GOLGA6L22: variants seen among roughly 807,000 people sequenced by gnomAD.
The protein encoded by GOLGA6L22 is golgin A6 family like 22.
In GOLGA6L22, 28 loss-of-function variants were observed where a neutral mutation model predicts 77.1. The observed-to-expected ratio is 0.36, with a 90% CI of 0.27 to 0.50. GOLGA6L22 has a LOEUF of 0.50. GOLGA6L22 is among the 20% of genes least tolerant of loss of function. The probability of loss-of-function intolerance (pLI) is 0.97; values close to 1 mark genes in which losing one functional copy is unlikely to be tolerated. For synonymous variants in GOLGA6L22, 62 were observed against 185.3 expected (o/e 0.33, Z 5.41); for missense variants, 250 against 620.4 (o/e 0.40, Z 6.34).
exon 8 of GOLGA6L22, chr15:22,465,988 G>C: frequency 1.1e-6 from 1 of 921,374 alleles, no homozygotes; most frequent in Non-Finnish European, 1.6e-6. Context: ...GGGAGCAGGA[G>C]GAGAAGGTGT....
chr15:22,463,746 G>A (rs1282632401), intron 5 of GOLGA6L22, 95 bp from the exon 6 acceptor site: 2 of 526,626 alleles, frequency 3.8e-6, no homozygotes, highest in Non-Finnish European at 6.6e-6. Flanking sequence ...GAGTGAGGAA[G>A]TGTTACTGTG....
intron 7 of GOLGA6L22, among the ~76,000 whole-genome samples, chr15:22,464,702 G>A (rs1887622688): frequency 7.8e-6 from 1 of 128,862 alleles, no homozygotes; most frequent in Non-Finnish European, 1.6e-5. Context: ...AGGCCAGAGT[G>A]CAGTGGCGCA....
chr15:22,462,353 T>G lies in GOLGA6L22; in HGVS notation c.326-9T>G. The G allele has an allele frequency of 8.5e-7, 1 of 1,173,324 alleles. No homozygotes were observed. Among genetic ancestry groups the G allele is most frequent in the Middle Eastern group, 3.3e-4 (1 of 2,992 alleles). 72.7% of individuals were successfully genotyped at this position (1,173,324 alleles called of 1,614,324 possible). On this transcript the variant is annotated splice_polypyrimidine_tract_variant and intron_variant, in intron 4 of 8. Transcript: ENST00000622895. ...CCTTTGGGCCACATCTGAATGTCTC[T>G]CATTCCAGGAGAGGCCAGGGATCTG...
exon 8 of GOLGA6L22, chr15:22,466,184 A>C: frequency 1.5e-6 from 1 of 683,598 alleles, no homozygotes; most frequent in Non-Finnish European, 2.4e-6. Context: ...GGAAGAGAAG[A>C]TGGGGGAGCA....
At chr15:22,466,374 G>C (rs201436574) in exon 8 of GOLGA6L22, 2 of 1,403,550 alleles carry the variant, frequency 1.4e-6, no homozygotes, top group Admixed American at 2.2e-5. Flanking sequence ...GAGAAGATGG[G>C]GGAGCAGGAG....
exon 8 of GOLGA6L22, chr15:22,465,133 ACAGGAGGAGAAGATGTGGAGG>A (rs1887639757): frequency 1.5e-6 from 1 of 646,722 alleles, no homozygotes; most frequent in African/African-American, 2.2e-5. Flanking sequence ...TGAACCAGCA[ACAGGAGGAGAAGATGTGGAGG>A]CAGGAGGAGA....
At chr15:22,466,561 G>T (rs1468896325) in exon 8 of GOLGA6L22, 1 of 1,331,508 alleles carries the variant, frequency 7.5e-7, no homozygotes, top group Non-Finnish European at 1.0e-6. Context: ...AAGAGAAGAT[G>T]CAAGAACAGG....
At chr15:22,466,026 A>T (rs1250504087) in exon 8 of GOLGA6L22, 1 of 822,800 alleles carries the variant, frequency 1.2e-6, no homozygotes, top group East Asian at 2.9e-5. Flanking sequence ...ATACGGGAGC[A>T]GGAGGAAAAG....
exon 9 of GOLGA6L22, chr15:22,468,779 C>A (rs1282612097): frequency 5.1e-4 from 20 of 38,986 alleles, no homozygotes; most frequent in African/African-American, 3.6e-3. Context: ...CTCAGGTGAT[C>A]TACCTGCCTC....
In GOLGA6L22 at chr15:22,466,374, G is replaced by A. The variant is rs201436574; in HGVS notation, c.1982G>A (p.Gly661Glu). 9,013 of 1,403,366 alleles carry A rather than the reference G, an allele frequency of 6.4e-3. 1,141 individuals are homozygous for A. In the East Asian group the frequency reaches 0.075, roughly 12 times the overall value. 86.9% of individuals were successfully genotyped at this position (1,403,366 alleles called of 1,614,324 possible). Residue 661 changes from glycine (G) to glutamate (E), a missense_variant, in exon 8 of 9, where the codon GGG becomes GAG. Transcript: ENST00000622895. ...ATGCAGGAACAGGAAGAGAAGATGGGGGAGCAGGAGGAGAAGATTTGGGAG... is the reference window on the plus strand; with the variant it reads ...ATGCAGGAACAGGAAGAGAAGATGGAGGAGCAGGAGGAGAAGATTTGGGAG...
intron 8 of GOLGA6L22, 89 bp downstream of exon 8, chr15:22,466,914 C>T: frequency 2.4e-6 from 1 of 415,528 alleles, no homozygotes; most frequent in Non-Finnish European, 4.0e-6. Flanking sequence ...GTGTGCAAAC[C>T]CTGGAGATCA....
intron 2 of GOLGA6L22, 151 bp from the exon 3 acceptor site, chr15:22,461,883 C>T: frequency 1.3e-6 from 1 of 758,152 alleles, no homozygotes; most frequent in East Asian, 2.6e-5. Context: ...AAGGCTCACC[C>T]CCAAGATTCC....
exon 8 of GOLGA6L22, chr15:22,465,344 C>T (rs1263075876): frequency 1.4e-5 from 6 of 441,582 alleles, no homozygotes; most frequent in Non-Finnish European, 2.3e-5. Context: ...GATACGGGAG[C>T]TGGAAGAGAA....
At position 22,464,799 on chromosome 15, in the gene GOLGA6L22, C is replaced by T. The variant is rs890133229; in HGVS notation, c.634-227C>T. ...AGTAGCTGGGACTACAGGTGCCCACCACCACACCCAGCTAATTTTTTGTAT... is the reference window on the plus strand; with the variant it reads ...AGTAGCTGGGACTACAGGTGCCCACTACCACACCCAGCTAATTTTTTGTAT... On this transcript the variant is annotated intron_variant, in intron 7 of 8. Coordinates refer to ENST00000622895, the Ensembl canonical transcript of GOLGA6L22. 2.4e-5 allele frequency among the ~76,000 whole-genome samples: 3 copies of T among 125,690 alleles called. 1 individual carries two copies. The highest frequency in any genetic ancestry group is 1.1e-4 in the African/African-American group (3 of 28,538). 82.5% of individuals were successfully genotyped at this position (125,690 alleles called of 152,430 possible). A position where few individuals can be genotyped will look rare whatever the true frequency, so the allele number is the denominator to read the frequency against.
At position 22,464,709 on chromosome 15, in the gene GOLGA6L22, C is replaced by T. The variant is rs1480822032; in HGVS notation, c.634-317C>T. On this transcript the variant is annotated intron_variant, in intron 7 of 8. Transcript: ENST00000622895. ...TGTCACCCAGGCCAGAGTGCAGTGG[C>T]GCAATCTCGGCTCACTGCAAGCTCC... is the stretch of plus-strand genomic sequence containing the variant. Among the ~76,000 whole-genome samples, 5 of 129,374 alleles carry T rather than the reference C, an allele frequency of 3.9e-5. 1 individual carries two copies. The highest frequency in any genetic ancestry group is 7.9e-5 in the Non-Finnish European group (5 of 62,898). 84.9% of individuals were successfully genotyped at this position (129,374 alleles called of 152,430 possible).
intron 5 of GOLGA6L22, among the ~76,000 whole-genome samples, 184 bp from the exon 6 acceptor site, chr15:22,463,657 A>G (rs549633609): frequency 7.7e-5 from 10 of 130,246 alleles, no homozygotes; most frequent in African/African-American, 1.8e-4. Flanking sequence ...GCCAAAAAAA[A>G]AAAGAAAGAA....
At chr15:22,462,998 T>G (rs1434418500) in intron 5 of GOLGA6L22, among the ~76,000 whole-genome samples, 2 of 134,812 alleles carry the variant, frequency 1.5e-5, no homozygotes, top group African/African-American at 6.1e-5. Context: ...AACAAAGGAT[T>G]AATTTCCTCC....
exon 8 of GOLGA6L22, chr15:22,466,538 A>G: frequency 7.4e-7 from 1 of 1,354,274 alleles, no homozygotes. Context: ...GGAAGAGAAG[A>G]TGGGGGAGCA....
At position 22,462,008 on chromosome 15, in the gene GOLGA6L22, A is replaced by G; in HGVS notation, c.181-26A>G. Reference sequence around the variant, plus strand: ...TGTGGATCTCTGCCTACCCCTAGTAAGAGCTCTGTTTTCCTCTTTCTATAG... The same window carrying G: ...TGTGGATCTCTGCCTACCCCTAGTAGGAGCTCTGTTTTCCTCTTTCTATAG... On this transcript the variant is annotated intron_variant, in intron 2 of 8. Transcript: ENST00000622895. 5 of 1,467,252 alleles carry G rather than the reference A, an allele frequency of 3.4e-6. 1 individual carries two copies. Among genetic ancestry groups the G allele is most frequent in the Non-Finnish European group, 4.5e-6 (5 of 1,101,904 alleles). 90.9% of individuals were successfully genotyped at this position (1,467,252 alleles called of 1,614,324 possible).
Sources: gnomAD v4.1 joint callset for allele counts (sites outside exome capture counted in the v4.1 genomes callset) on GRCh38, gnomAD v4.1.1 for gene constraint, MANE v1.5 for transcripts, NCBI Gene and HGNC (gene_info 2026-07-23, HGNC 2026-07-21) for gene names.